INTS7: variants seen among roughly 807,000 people sequenced by gnomAD.
INTS7 encodes the protein chromosome 1 open reading frame 73.
Under a neutral mutation model 109.2 loss-of-function variants are expected in INTS7, and 46 were observed. The ratio of observed to expected loss-of-function variants is 0.42; its 90% CI spans 0.33 to 0.54. The LOEUF (loss-of-function observed/expected upper bound fraction) is 0.54. Ranked by LOEUF, INTS7 falls within the 20% of genes least tolerant of loss-of-function variation. The pLI is 0.07. For missense variants in INTS7, 929 were observed against 1,132.4 expected (o/e 0.82, Z 2.58); for synonymous variants, 412 against 402.9 (o/e 1.02, Z -0.27).
In INTS7 at chr1:212,026,020, G is replaced by A. The variant is rs188690328; in HGVS notation, c.95-4808C>T. Among the ~76,000 whole-genome samples the A allele has an allele frequency of 8.8e-4, 134 of 152,168 alleles. 1 individual carries two copies. In the East Asian group the frequency reaches 0.018, roughly 21 times the overall value. ...AAAAATTAGCCCAGCGTGATGGCAGGCACCTGTAATCACAGCTACTAGGGA... is the reference window on the plus strand; with the variant it reads ...AAAAATTAGCCCAGCGTGATGGCAGACACCTGTAATCACAGCTACTAGGGA... On this transcript the variant is annotated intron_variant, in intron 1 of 19. Transcript: ENST00000366994.
chr1:211,960,435 C>T (rs964489662), intron 16 of INTS7, among the ~76,000 whole-genome samples: 2 of 152,112 alleles, frequency 1.3e-5, no homozygotes, highest in African/African-American at 2.4e-5. Context: ...AACTCTCCAG[C>T]AAGCGTTCTG....
intron 7 of INTS7, among the ~76,000 whole-genome samples, chr1:212,005,649 A>G (rs1665872743): frequency 1.3e-5 from 2 of 152,208 alleles, no homozygotes; most frequent in African/African-American, 2.4e-5. Context: ...TAAAATGACT[A>G]AAGTGGCTGG....
At chr1:211,997,280 C>T (rs1203089767) in intron 7 of INTS7, among the ~76,000 whole-genome samples, 1 of 151,954 alleles carries the variant, frequency 6.6e-6, no homozygotes, top group Non-Finnish European at 1.5e-5. Flanking sequence ...TGCAGTGGCT[C>T]ATGCCTGGAA....
At chr1:211,953,720 G>C (rs950388827) in intron 16 of INTS7, among the ~76,000 whole-genome samples, 4 of 151,422 alleles carry the variant, frequency 2.6e-5, no homozygotes, top group Non-Finnish European at 2.9e-5. Flanking sequence ...TCCCTACAAA[G>C]GACATGAACT....
rs893918741 is a variant in INTS7 at position 212,026,196 on chromosome 1, A to G, written c.95-4984T>C. ...TCTGAAGGCTTTTCCTAGTTGCCAC[A>G]ATGTTTCATACAAAAGACAACCACA... On this transcript the variant is annotated intron_variant, in intron 1 of 19. Coordinates refer to ENST00000366994, the MANE Select transcript of INTS7 (RefSeq NM_015434.4). Among the ~76,000 whole-genome samples the G allele has an allele frequency of 6.6e-5, 10 of 152,152 alleles. No homozygotes were observed. In the East Asian group the frequency reaches 7.7e-4, roughly 12 times the overall value.
rs529451367 is a variant in INTS7 at position 211,969,844 on chromosome 1, G to A, written c.1816-1137C>T. ...AGCAATTCTCCTGCCTCAGCCTCCT[G>A]AGTAGCTGGGACTACAGGCGCCTGC... On this transcript the variant is annotated intron_variant, in intron 13 of 19. Transcript: ENST00000366994. Among the ~76,000 whole-genome samples the A allele has an allele frequency of 3.0e-3, 462 of 151,592 alleles. 4 individuals carry two copies. Among genetic ancestry groups the A allele is most frequent in the Admixed American group, 7.1e-3 (108 of 15,216 alleles).
At position 211,974,308 on chromosome 1, in the gene INTS7, T is replaced by TATATATAA. The variant is rs1179528621; in HGVS notation, c.1815+857_1815+858insTTATATAT. The stretch of plus-strand genomic sequence containing the variant: ...ATATATATATATATATATATATATA[T>TATATATAA]AAAATACTTCAAAATATATGTGCCT... On this transcript the variant is annotated intron_variant, in intron 13 of 19. Coordinates refer to ENST00000366994, the MANE Select transcript of INTS7 (RefSeq NM_015434.4). 6.3e-5 allele frequency among the ~76,000 whole-genome samples: 9 copies of TATATATAA among 143,728 alleles called. No homozygotes were observed. In the East Asian group the frequency reaches 1.0e-3, roughly 16 times the overall value. 94.3% of individuals were successfully genotyped at this position (143,728 alleles called of 152,430 possible). A position where few individuals can be genotyped will look rare whatever the true frequency, so the allele number is the denominator to read the frequency against.
At chr1:212,000,306 A>G (rs912624957) in intron 7 of INTS7, among the ~76,000 whole-genome samples, 2 of 152,222 alleles carry the variant, frequency 1.3e-5, no homozygotes, top group Admixed American at 1.3e-4. Context: ...CTGACAGGAC[A>G]ATAACATGTA....
Position 211,976,555 on chromosome 1 carries a change from CAGTTCACTCAGA to C in INTS7, c.1608+15_1608+26del. 1 of 1,590,176 alleles carries C rather than the reference CAGTTCACTCAGA, an allele frequency of 6.3e-7. No homozygotes were observed. Among genetic ancestry groups the C allele is most frequent in the African/African-American group, 1.3e-5 (1 of 74,546 alleles). ...ACATGATCTGACATTTCCAGCAACC[CAGTTCACTCAGA>C]AGGGTAACACATACCATTCTGGAAG... On this transcript the variant is annotated intron_variant, in intron 12 of 19. Transcript: ENST00000366994.
intron 13 of INTS7, among the ~76,000 whole-genome samples, chr1:211,971,889 C>G (rs1664186360): frequency 7.8e-6 from 1 of 128,782 alleles, no homozygotes; most frequent in African/African-American, 3.0e-5. Flanking sequence ...GCACTCCAGC[C>G]TGGTGACAAG....
In INTS7 at chr1:211,985,857, A is replaced by G. The variant is rs112598205; in HGVS notation, c.997+2029T>C. ...GACTTTGTCTATCACAGCTCTTTCA[A>G]AGTGCAATGTTGGTGAAGGATGTTA... On this transcript the variant is annotated intron_variant, in intron 8 of 19. Coordinates refer to ENST00000366994, the MANE Select transcript of INTS7 (RefSeq NM_015434.4). Among the ~76,000 whole-genome samples, 49 of 152,324 alleles carry G rather than the reference A, an allele frequency of 3.2e-4. 1 individual carries two copies. Among genetic ancestry groups the G allele is most frequent in the African/African-American group, 1.2e-3 (48 of 41,582 alleles).
chr1:212,010,817 C>T (rs1444904125), intron 5 of INTS7, among the ~76,000 whole-genome samples: 1 of 152,096 alleles, frequency 6.6e-6, no homozygotes, highest in Non-Finnish European at 1.5e-5. Context: ...GTTGGCTATA[C>T]CATTTAGGTT....
intron 16 of INTS7, among the ~76,000 whole-genome samples, chr1:211,955,262 G>A (rs2102393018): frequency 6.6e-6 from 1 of 152,322 alleles, no homozygotes; most frequent in South Asian, 2.1e-4. Flanking sequence ...AGACTTTGCT[G>A]AAGTTGCTTA....
At chr1:211,962,530 G>C (rs1663683655) in intron 16 of INTS7, among the ~76,000 whole-genome samples, 1 of 152,104 alleles carries the variant, frequency 6.6e-6, no homozygotes, top group Non-Finnish European at 1.5e-5. Flanking sequence ...AAATGGACCT[G>C]ATAGACATCT....
chr1:211,996,224 C>G (rs1292388407), intron 7 of INTS7, among the ~76,000 whole-genome samples: 2 of 152,080 alleles, frequency 1.3e-5, no homozygotes, highest in Non-Finnish European at 2.9e-5. Context: ...GAGTTCAAGA[C>G]CAGCCTGGTG....
chr1:212,005,868 A>G (rs1417135083), intron 7 of INTS7, among the ~76,000 whole-genome samples: 1 of 152,202 alleles, frequency 6.6e-6, no homozygotes, highest in African/African-American at 2.4e-5. Flanking sequence ...TGTGACTATC[A>G]AATCATAATA....
Position 211,943,616 on chromosome 1 carries a change from A to T in INTS7, c.2601+1168T>A, listed in dbSNP as rs1021637964. Among the ~76,000 whole-genome samples the T allele has an allele frequency of 2.6e-5, 4 of 152,218 alleles. No individual in the cohort carries two copies. The East Asian group carries it at 7.7e-4, about 29-fold the overall frequency. ...CAAAACAGAGGAAAAGAGGAGAATG[A>T]AGGCTCAGCCGTGTCAGAGTGGACA... is the stretch of plus-strand genomic sequence containing the variant. On this transcript the variant is annotated intron_variant, in intron 19 of 19. Transcript: ENST00000366994.
chr1:212,020,700 A>T (rs989812524), intron 2 of INTS7: 32 of 1,000,942 alleles, frequency 3.2e-5, no homozygotes, highest in Non-Finnish European at 3.5e-5. Flanking sequence ...AAAAGCAAAT[A>T]GGCATGTATT....
intron 4 of INTS7, among the ~76,000 whole-genome samples, chr1:212,015,388 T>C (rs1666377762): frequency 6.6e-6 from 1 of 152,216 alleles, no homozygotes. Context: ...CTTGGGATGC[T>C]GTTAATCTAT....
Sources: allele counts gnomAD v4.1 joint callset (sites outside exome capture counted in the v4.1 genomes callset), GRCh38; gene constraint gnomAD v4.1.1; transcripts MANE v1.5; gene names NCBI Gene and HGNC (gene_info 2026-07-23, HGNC 2026-07-21).